The following NAALADL2 variants were observed in gnomAD, a reference collection of about 807,000 sequenced individuals.
NAALADL2 encodes inactive N-acetylated-alpha-linked acidic dipeptidase-like protein 2.
In NAALADL2, 76 loss-of-function variants were observed where a neutral mutation model predicts 87.2. The observed-to-expected ratio is 0.87, with a 90% CI of 0.72 to 1.05. NAALADL2 has a LOEUF of 1.05. NAALADL2 is among the 50% of genes least tolerant of loss of function. NAALADL2 has a pLI of 0.00. For synonymous variants in NAALADL2, 354 were observed against 331.0 expected, an observed-to-expected ratio of 1.07 and a Z score of -0.75; for missense variants, 1,089 against 945.8, an observed-to-expected ratio of 1.15 and a Z score of -1.99.
chr3:174,502,746 T>C (rs1718975201), intron 1 of NAALADL2, among the ~76,000 whole-genome samples: 1 of 152,026 alleles, frequency 6.6e-6, no homozygotes, highest in African/African-American at 2.4e-5. Flanking sequence ...TAAAAAATAA[T>C]CTTGCCAGGC....
chr3:174,678,863 G>C (rs1007919733), intron 2 of NAALADL2, among the ~76,000 whole-genome samples: 2 of 152,150 alleles, frequency 1.3e-5, no homozygotes, highest in Non-Finnish European at 2.9e-5. Context: ...ACAGACGTTG[G>C]TCAATTTTTG....
intron 1 of NAALADL2, among the ~76,000 whole-genome samples, chr3:174,509,693 T>A (rs982362293): frequency 7.4e-5 from 11 of 148,286 alleles, no homozygotes; most frequent in African/African-American, 2.7e-4. Flanking sequence ...CCCAAAGTGC[T>A]GGGATTACAG....
chr3:174,534,025 A>G (rs984385563), intron 1 of NAALADL2, among the ~76,000 whole-genome samples: 4 of 152,208 alleles, frequency 2.6e-5, no homozygotes, highest in Non-Finnish European at 5.9e-5. Context: ...GCAAATGCAC[A>G]TATTTATATA....
At chr3:174,565,813 T>G (rs1714188952) in intron 2 of NAALADL2, among the ~76,000 whole-genome samples, 1 of 152,030 alleles carries the variant, frequency 6.6e-6, no homozygotes, top group Non-Finnish European at 1.5e-5. Context: ...TTTCTGTTAA[T>G]TCACATCCTC....
chr3:174,590,284 T>C (rs1394082883), intron 2 of NAALADL2, among the ~76,000 whole-genome samples: 3 of 152,066 alleles, frequency 2.0e-5, no homozygotes, highest in African/African-American at 7.2e-5. Flanking sequence ...AATTCTTTAT[T>C]TGAACCATAT....
chr3:174,941,342 T>G (rs1352096934), intron 1 of NAALADL2, among the ~76,000 whole-genome samples: 1 of 152,164 alleles, frequency 6.6e-6, no homozygotes, highest in Non-Finnish European at 1.5e-5. Flanking sequence ...CTCTTTTTTT[T>G]GCACTATGGT....
chr3:175,102,095 T>C (rs905499171), intron 2 of NAALADL2, among the ~76,000 whole-genome samples: 8 of 152,228 alleles, frequency 5.3e-5, no homozygotes, highest in Admixed American at 2.0e-4. Context: ...AGCCAATAAA[T>C]ATAGATTTAA....
chr3:174,728,727 C>T (rs1362948429), intron 2 of NAALADL2, among the ~76,000 whole-genome samples: 1 of 152,006 alleles, frequency 6.6e-6, no homozygotes, highest in Non-Finnish European at 1.5e-5. Flanking sequence ...CATACTGGAG[C>T]TGGGACTGAA....
At chr3:175,047,196 A>G (rs1754789398) in intron 1 of NAALADL2, among the ~76,000 whole-genome samples, 1 of 152,190 alleles carries the variant, frequency 6.6e-6, no homozygotes, top group South Asian at 2.1e-4. Flanking sequence ...TTTTAGAGGG[A>G]CACAAACATT....
At chr3:174,559,269 G>T (rs536195417) in intron 2 of NAALADL2, among the ~76,000 whole-genome samples, 3 of 152,180 alleles carry the variant, frequency 2.0e-5, no homozygotes, top group Admixed American at 6.6e-5. Flanking sequence ...GCCATACCTT[G>T]GTGTTGGCAA....
chr3:174,738,592 A>G (rs2109003059), intron 3 of NAALADL2, among the ~76,000 whole-genome samples: 1 of 152,244 alleles, frequency 6.6e-6, no homozygotes, highest in Middle Eastern at 3.4e-3. Flanking sequence ...GTGTTTTAAA[A>G]TGGTCAAAGA....
chr3:174,609,524 A>G (rs1477793035), intron 2 of NAALADL2, among the ~76,000 whole-genome samples: 2 of 152,288 alleles, frequency 1.3e-5, no homozygotes, highest in East Asian at 3.9e-4. Flanking sequence ...CCAATAACAG[A>G]CAAACAGAGA....
At chr3:174,771,742 G>C (rs1452293374) in intron 3 of NAALADL2, among the ~76,000 whole-genome samples, 2 of 152,156 alleles carry the variant, frequency 1.3e-5, no homozygotes, top group African/African-American at 4.8e-5. Flanking sequence ...TATGGTACAG[G>C]GGAAGAAACT....
intron 13 of NAALADL2, among the ~76,000 whole-genome samples, chr3:175,784,336 A>G (rs1751593251): frequency 6.6e-6 from 1 of 151,954 alleles, no homozygotes; most frequent in Non-Finnish European, 1.5e-5. Flanking sequence ...CTGGTCCTGG[A>G]CTATTTTTGG....
chr3:175,621,267 A>G (rs965938348), intron 10 of NAALADL2, among the ~76,000 whole-genome samples: 10 of 152,266 alleles, frequency 6.6e-5, no homozygotes, highest in African/African-American at 2.4e-4. Flanking sequence ...CCCCCTCCTA[A>G]GAGAGGGAGA....
chr3:175,427,558 G>T (rs1717033881), intron 5 of NAALADL2, among the ~76,000 whole-genome samples: 1 of 151,998 alleles, frequency 6.6e-6, no homozygotes. Context: ...AAATTTTCTG[G>T]ATAACACAAA....
At chr3:174,597,824 C>T (rs1395800555) in intron 2 of NAALADL2, among the ~76,000 whole-genome samples, 1 of 152,162 alleles carries the variant, frequency 6.6e-6, no homozygotes, top group Non-Finnish European at 1.5e-5. Flanking sequence ...GAGGAGTTTC[C>T]TACTGAATGC....
At chr3:175,126,713 A>G (rs919165725) in intron 2 of NAALADL2, among the ~76,000 whole-genome samples, 1 of 152,152 alleles carries the variant, frequency 6.6e-6, no homozygotes, top group Non-Finnish European at 1.5e-5. Context: ...TTTAATACAC[A>G]AATTAACGAT....
intron 4 of NAALADL2, among the ~76,000 whole-genome samples, chr3:175,308,078 A>T: frequency 6.6e-6 from 1 of 152,330 alleles, no homozygotes; most frequent in East Asian, 1.9e-4. Context: ...TTATTGTTTT[A>T]ATCAAGTTTA....
Sources: gnomAD v4.1 joint callset for allele counts (sites outside exome capture counted in the v4.1 genomes callset) on GRCh38, gnomAD v4.1.1 for gene constraint, MANE v1.5 for transcripts, NCBI Gene and HGNC (gene_info 2026-07-23, HGNC 2026-07-21) for gene names.